Variants in LSAMP observed in about 807,000 individuals in gnomAD.
LSAMP encodes the protein limbic system associated membrane protein.
In LSAMP, 7 loss-of-function variants were observed where a neutral mutation model predicts 38.6. That is an observed-to-expected ratio of 0.18 (90% CI 0.10 to 0.34). The LOEUF is 0.34. LSAMP is among the 10% of genes least tolerant of loss of function. The pLI is 1.00. For missense variants in LSAMP, 313 were observed against 420.0 expected, an observed-to-expected ratio of 0.75 and a Z score of 2.23; for synonymous variants, 154 against 166.8, an observed-to-expected ratio of 0.92 and a Z score of 0.59.
intron 1 of LSAMP, among the ~76,000 whole-genome samples, chr3:116,279,012 T>A (rs1477487384): frequency 6.6e-6 from 1 of 152,178 alleles, no homozygotes. Flanking sequence ...ATGTACCTAG[T>A]TTTTGCTTTT....
At chr3:116,319,037 T>C (rs1025629873) in intron 1 of LSAMP, among the ~76,000 whole-genome samples, 9 of 140,396 alleles carry the variant, frequency 6.4e-5, no homozygotes, top group African/African-American at 2.5e-4. Context: ...TAGTGTTGTA[T>C]AGAATTGGGG....
chr3:115,998,692 A>C (rs567135529), intron 3 of LSAMP, among the ~76,000 whole-genome samples: 1 of 152,270 alleles, frequency 6.6e-6, no homozygotes, highest in East Asian at 1.9e-4. Context: ...CACAAGTCTA[A>C]GCTAAGTTTC....
At chr3:116,222,605 G>C (rs1460933530) in intron 1 of LSAMP, among the ~76,000 whole-genome samples, 1 of 151,690 alleles carries the variant, frequency 6.6e-6, no homozygotes, top group African/African-American at 2.4e-5. Context: ...CATGGGAAAG[G>C]AAGAGAGGAA....
At chr3:116,321,559 T>C (rs1559827414) in intron 1 of LSAMP, among the ~76,000 whole-genome samples, 2 of 152,132 alleles carry the variant, frequency 1.3e-5, no homozygotes, top group Non-Finnish European at 2.9e-5. Flanking sequence ...CATGTTTTTT[T>C]TACGGCTGGG....
At chr3:115,898,643 T>C (rs1173636180) in intron 3 of LSAMP, among the ~76,000 whole-genome samples, 1 of 151,130 alleles carries the variant, frequency 6.6e-6, no homozygotes, top group Non-Finnish European at 1.5e-5. Flanking sequence ...AAGACATTTC[T>C]TTGATCTTAA....
intron 3 of LSAMP, among the ~76,000 whole-genome samples, chr3:115,985,067 A>G (rs1939471036): frequency 6.6e-6 from 1 of 152,190 alleles, no homozygotes; most frequent in African/African-American, 2.4e-5. Context: ...ATCAGAGCCA[A>G]AAGGCTTTTA....
chr3:116,083,644 A>G (rs1707919268), intron 2 of LSAMP, among the ~76,000 whole-genome samples: 1 of 152,204 alleles, frequency 6.6e-6, no homozygotes, highest in South Asian at 2.1e-4. Flanking sequence ...GAATTTGCAG[A>G]AACCATGGCG....
At chr3:116,164,761 T>TCCATATATATATATATATATATA (rs754064532) in intron 1 of LSAMP, among the ~76,000 whole-genome samples, 1 of 41,130 alleles carries the variant, frequency 2.4e-5, no homozygotes, top group African/African-American at 7.8e-5. Flanking sequence ...TATATATATA[T>TCCATATATATATATATATATATA]TTTTTTTTTT....
At chr3:116,264,602 T>TTTTG (rs749809980) in intron 1 of LSAMP, among the ~76,000 whole-genome samples, 2 of 152,098 alleles carry the variant, frequency 1.3e-5, no homozygotes, top group Non-Finnish European at 2.9e-5. Context: ...TTTTGTGGGT[T>TTTTG]TTTGTTTGTT....
chr3:116,037,939 CAT>C (rs1269975921), intron 2 of LSAMP, among the ~76,000 whole-genome samples: 2 of 152,026 alleles, frequency 1.3e-5, no homozygotes, highest in African/African-American at 4.8e-5. Flanking sequence ...GCTGAATTTC[CAT>C]AGTCTCATGG....
At chr3:115,872,830 G>C (rs1936080864) in intron 3 of LSAMP, among the ~76,000 whole-genome samples, 1 of 152,096 alleles carries the variant, frequency 6.6e-6, no homozygotes, top group African/African-American at 2.4e-5. Context: ...GAAAGGAGAA[G>C]AGAACTAATA....
chr3:116,034,788 G>C (rs1048105815), intron 2 of LSAMP, among the ~76,000 whole-genome samples: 1 of 152,154 alleles, frequency 6.6e-6, no homozygotes, highest in Non-Finnish European at 1.5e-5. Context: ...GGCTGTGTGA[G>C]AGAACATAAT....
intron 3 of LSAMP, among the ~76,000 whole-genome samples, chr3:115,924,633 G>C (rs1396784155): frequency 6.6e-6 from 1 of 152,172 alleles, no homozygotes; most frequent in Non-Finnish European, 1.5e-5. Context: ...ACATAAGATA[G>C]GCTGATAAAG....
At chr3:115,916,856 G>A (rs1225065177) in intron 3 of LSAMP, among the ~76,000 whole-genome samples, 1 of 152,182 alleles carries the variant, frequency 6.6e-6, no homozygotes, top group Admixed American at 6.5e-5. Flanking sequence ...CACATTGCAT[G>A]AATGCCTTTA....
intron 1 of LSAMP, among the ~76,000 whole-genome samples, chr3:116,165,260 G>A (rs1410132088): frequency 6.6e-6 from 1 of 152,186 alleles, no homozygotes; most frequent in African/African-American, 2.4e-5. Context: ...ACACAGTCCA[G>A]CTATACGCTG....
chr3:116,302,987 C>T (rs2047434737), intron 1 of LSAMP, among the ~76,000 whole-genome samples: 1 of 152,178 alleles, frequency 6.6e-6, no homozygotes, highest in South Asian at 2.1e-4. Context: ...ACTACTTTGA[C>T]ATTTGCCATC....
At chr3:116,207,115 T>C (rs1024190113) in intron 1 of LSAMP, among the ~76,000 whole-genome samples, 1 of 152,174 alleles carries the variant, frequency 6.6e-6, no homozygotes, top group African/African-American at 2.4e-5. Flanking sequence ...ATATTTAGAA[T>C]AGTTAGCTCT....
At position 115,834,944 on chromosome 3, in the gene LSAMP, T is replaced by G. The variant is rs149773257; in HGVS notation, c.919+6901A>C. The stretch of plus-strand genomic sequence containing the variant: ...AGGGTATTTATAATCGTGATCAAAT[T>G]CAGGTGATACATCTTGGTCTTGGTT... On this transcript the variant is annotated intron_variant, in intron 6 of 6. Transcript: ENST00000490035. Among the ~76,000 whole-genome samples the G allele has an allele frequency of 2.0e-5, 3 of 152,204 alleles. No homozygotes were observed. The East Asian group carries it at 5.8e-4, about 29-fold the overall frequency.
At chr3:116,092,322 G>GA (rs1708142759) in intron 1 of LSAMP, among the ~76,000 whole-genome samples, 2 of 151,918 alleles carry the variant, frequency 1.3e-5, no homozygotes, top group Non-Finnish European at 2.9e-5. Flanking sequence ...GTAAAGGAGA[G>GA]AAAAAATGTG....
Sources: gnomAD v4.1 joint callset for allele counts (sites outside exome capture counted in the v4.1 genomes callset) on GRCh38, gnomAD v4.1.1 for gene constraint, MANE v1.5 for transcripts, NCBI Gene and HGNC (gene_info 2026-07-23, HGNC 2026-07-21) for gene names.